The following NEK1 variants were observed in gnomAD, a reference collection of about 807,000 sequenced individuals.
NEK1 encodes NIMA related kinase 1.
A neutral mutation model predicts 182.1 loss-of-function variants in NEK1; 137 were observed. The observed-to-expected ratio is 0.75, with a 90% CI of 0.65 to 0.87. The LOEUF (loss-of-function observed/expected upper bound fraction) is 0.87. NEK1 is among the 40% of genes least tolerant of loss of function. The probability of loss-of-function intolerance (pLI) is 0.00; values close to 1 mark genes in which losing one functional copy is unlikely to be tolerated. For missense variants in NEK1, 1,391 were observed against 1,494.4 expected, an observed-to-expected ratio of 0.93 and a Z score of 1.14; for synonymous variants, 513 against 492.2, an observed-to-expected ratio of 1.04 and a Z score of -0.56.
At position 169,556,729 on chromosome 4, in the gene NEK1, A is replaced by G. The variant is rs1303519823; in HGVS notation, c.1267-634T>C. The stretch of plus-strand genomic sequence containing the variant: ...AAAGTAGTAAGTGCTGAGCAAATCC[A>G]CAAAACAGTAAAAAAAAAAAAAAAA... On this transcript the variant is annotated intron_variant, in intron 16 of 35. Coordinates refer to ENST00000507142, the MANE Select transcript of NEK1 (RefSeq NM_001199397.3). 1.2e-4 allele frequency among the ~76,000 whole-genome samples: 17 copies of G among 144,706 alleles called. No individual in the cohort carries two copies. In the East Asian group the frequency reaches 3.4e-3, roughly 29 times the overall value. 94.9% of individuals were successfully genotyped at this position (144,706 alleles called of 152,430 possible). A position where few individuals can be genotyped will look rare whatever the true frequency, so the allele number is the denominator to read the frequency against.
At chr4:169,418,964 T>C (rs767974494) in intron 31 of NEK1, among the ~76,000 whole-genome samples, 2 of 152,064 alleles carry the variant, frequency 1.3e-5, no homozygotes, top group Non-Finnish European at 2.9e-5. Flanking sequence ...CATAAGATTA[T>C]AATAAAGCTG....
At chr4:169,580,344 A>C (rs1429028540) in intron 11 of NEK1, among the ~76,000 whole-genome samples, 1 of 151,836 alleles carries the variant, frequency 6.6e-6, no homozygotes, top group African/African-American at 2.4e-5. Flanking sequence ...TAAAAATACA[A>C]AAAATTAGCT....
At chr4:169,558,535 T>G (rs1477011844) in intron 16 of NEK1, among the ~76,000 whole-genome samples, 1 of 152,238 alleles carries the variant, frequency 6.6e-6, no homozygotes, top group African/African-American at 2.4e-5. Context: ...ATATGTACTC[T>G]TTTATCTGGT....
chr4:169,470,964 A>G (rs1193965716), intron 26 of NEK1, among the ~76,000 whole-genome samples: 1 of 152,082 alleles, frequency 6.6e-6, no homozygotes, highest in East Asian at 1.9e-4. Context: ...TGTGTTTTTC[A>G]GCTCCATCAG....
chr4:169,395,107 A>AT (rs1561109324), intron 35 of NEK1, among the ~76,000 whole-genome samples: 1 of 152,170 alleles, frequency 6.6e-6, no homozygotes, highest in South Asian at 2.1e-4. Flanking sequence ...GTTATTTTCA[A>AT]TTTTTTTAAT....
chr4:169,518,447 A>C (rs1034446355), intron 19 of NEK1, among the ~76,000 whole-genome samples: 1 of 135,874 alleles, frequency 7.4e-6, no homozygotes, highest in African/African-American at 3.2e-5. Context: ...TGATCCTTTC[A>C]AAAAACCAGC....
At chr4:169,512,569 T>C (rs1252468321) in intron 19 of NEK1, among the ~76,000 whole-genome samples, 1 of 152,074 alleles carries the variant, frequency 6.6e-6, no homozygotes, top group East Asian at 1.9e-4. Context: ...GTATTTTCTT[T>C]CTCTTAACAG....
chr4:169,534,668 A>C (rs1394613672), intron 19 of NEK1, among the ~76,000 whole-genome samples: 1 of 152,232 alleles, frequency 6.6e-6, no homozygotes, highest in East Asian at 1.9e-4. Flanking sequence ...AGTGAGGCCA[A>C]ATTAGCACTG....
At chr4:169,595,931 A>AG (rs1158886245) in intron 5 of NEK1, among the ~76,000 whole-genome samples, 2 of 150,364 alleles carry the variant, frequency 1.3e-5, no homozygotes, top group African/African-American at 4.9e-5. Flanking sequence ...TCAAAAAAAA[A>AG]AAAAAAAAAA....
intron 18 of NEK1, 123 bp downstream of exon 18, chr4:169,555,597 A>G: frequency 7.6e-7 from 1 of 1,309,702 alleles, no homozygotes; most frequent in Non-Finnish European, 1.1e-6. Flanking sequence ...ATTGTACCCA[A>G]GAGGCAAAAA....
intron 23 of NEK1, among the ~76,000 whole-genome samples, chr4:169,494,515 G>A (rs1750777031): frequency 6.6e-6 from 1 of 152,162 alleles, no homozygotes; most frequent in African/African-American, 2.4e-5. Flanking sequence ...CATCTGGGTT[G>A]GTTCCAAGTC....
intron 27 of NEK1, among the ~76,000 whole-genome samples, chr4:169,447,281 A>C (rs1740758071): frequency 6.6e-6 from 1 of 152,194 alleles, no homozygotes; most frequent in Non-Finnish European, 1.5e-5. Context: ...TGAAGGAAAA[A>C]AACTTTTATC....
intron 2 of NEK1, among the ~76,000 whole-genome samples, chr4:169,605,684 G>C (rs1165276350): frequency 6.6e-6 from 1 of 152,070 alleles, no homozygotes; most frequent in African/African-American, 2.4e-5. Context: ...GTTTACTTCA[G>C]TATTGTAATA....
At chr4:169,482,863 C>G (rs1235091744) in intron 23 of NEK1, among the ~76,000 whole-genome samples, 1 of 152,092 alleles carries the variant, frequency 6.6e-6, no homozygotes, top group Non-Finnish European at 1.5e-5. Context: ...TCTCAAACTC[C>G]TGATCTCATG....
At chr4:169,453,413 T>C (rs1742220689) in intron 27 of NEK1, among the ~76,000 whole-genome samples, 2 of 152,308 alleles carry the variant, frequency 1.3e-5, no homozygotes, top group East Asian at 1.9e-4. Context: ...CTTCAAACTA[T>C]ACTACAATGT....
At position 169,450,561 on chromosome 4, in the gene NEK1, T is replaced by C. The variant is rs536970588; in HGVS notation, c.2588-12302A>G. 7.9e-5 allele frequency among the ~76,000 whole-genome samples: 12 copies of C among 152,264 alleles called. 1 individual carries two copies. Among genetic ancestry groups the C allele is most frequent in the African/African-American group, 2.9e-4 (12 of 41,550 alleles). ...AAGGAAAGAATTTTCAACCCAGAATTTGATATCCAGCCAAACTAAGTTTCA... is the reference window on the plus strand; with the variant it reads ...AAGGAAAGAATTTTCAACCCAGAATCTGATATCCAGCCAAACTAAGTTTCA... On this transcript the variant is annotated intron_variant, in intron 27 of 35. Coordinates refer to ENST00000507142, the MANE Select transcript of NEK1 (RefSeq NM_001199397.3).
In NEK1 at chr4:169,438,253, G is replaced by T. The variant is rs1373992801; in HGVS notation, c.2594C>A (p.Ser865Tyr). 3.3e-6 allele frequency: 5 copies of T among 1,530,852 alleles called. No homozygotes were observed. Among genetic ancestry groups the T allele is most frequent in the Non-Finnish European group, 4.4e-6 (5 of 1,136,572 alleles). 94.8% of individuals were successfully genotyped at this position (1,530,852 alleles called of 1,614,324 possible). ...GGGTTTGTACTTTTCCCCTTCGGGA[G>T]AAATCTCTGTGAAAACAAAAAATAA... is the stretch of plus-strand genomic sequence containing the variant. The part of the protein sequence containing the change: ...LENTTIRSEI[S>Y]PEGEKYKPLI... The change falls in exon 28 of 36, where the codon TCT (serine) becomes TAT (tyrosine). Residue 865 changes from serine to tyrosine, a missense_variant. Physicochemically the swap from Ser to Tyr is moderately radical, Grantham distance 144. This residue lies in a region of NEK1 where 1,216 missense variants were observed against 1,277.6 expected (regional missense o/e 0.95). Transcript: ENST00000507142.
At chr4:169,560,831 G>A (rs564575421) in intron 16 of NEK1, among the ~76,000 whole-genome samples, 3 of 151,396 alleles carry the variant, frequency 2.0e-5, no homozygotes, top group Admixed American at 6.6e-5. Context: ...GAAAAGTTCA[G>A]TAATGTGCCC....
intron 23 of NEK1, among the ~76,000 whole-genome samples, chr4:169,498,705 GTTTC>G (rs1210345731): frequency 3.9e-5 from 6 of 152,126 alleles, no homozygotes; most frequent in Admixed American, 2.0e-4. Flanking sequence ...TTGAAAATTC[GTTTC>G]TTTAAGAATG....
Sources: allele counts gnomAD v4.1 joint callset (sites outside exome capture counted in the v4.1 genomes callset), GRCh38; gene constraint gnomAD v4.1.1; regional missense constraint gnomAD v4.1.1; transcripts MANE v1.5; gene names NCBI Gene and HGNC (gene_info 2026-07-23, HGNC 2026-07-21).